The following ZNF609 variants were observed in gnomAD, a reference collection of about 807,000 sequenced individuals.
ZNF609 encodes the protein zinc finger protein 609.
ZNF609 carries 11 observed loss-of-function variants against 109.5 expected under a neutral mutation model. The observed-to-expected ratio is 0.10, with a 90% CI of 0.06 to 0.17. The LOEUF is 0.17. Among genes scored for constraint, ZNF609 ranks in the 10% least tolerant of loss-of-function variants. The pLI is 1.00. For synonymous variants in ZNF609, 646 were observed against 662.0 expected, an observed-to-expected ratio of 0.98 and a Z score of 0.37; for missense variants, 1,559 against 1,772.4, an observed-to-expected ratio of 0.88 and a Z score of 2.16.
rs182028801 is a variant in ZNF609 at position 64,669,821 on chromosome 15, C to T, written c.974-525C>T. Among the ~76,000 whole-genome samples the T allele has an allele frequency of 1.8e-4, 28 of 152,272 alleles. No homozygotes were observed. The East Asian group carries it at 4.2e-3, about 23-fold the overall frequency. ...TAGCTGGGATTACAGGCATGCACCA[C>T]TATGCCCAGCTAATTTTTGTAATTT... is the stretch of plus-strand genomic sequence containing the variant. On this transcript the variant is annotated intron_variant, in intron 3 of 9. Transcript: ENST00000326648.
At chr15:64,594,322 G>A (rs1169041294) in intron 2 of ZNF609, among the ~76,000 whole-genome samples, 2 of 151,720 alleles carry the variant, frequency 1.3e-5, no homozygotes, top group African/African-American at 4.9e-5. Flanking sequence ...CGAAGACTTG[G>A]AGAATGCTCA....
chr15:64,477,638 C>CT (rs939196661), intron 1 of ZNF609, among the ~76,000 whole-genome samples: 4 of 93,662 alleles, frequency 4.3e-5, no homozygotes, highest in African/African-American at 1.2e-4. Context: ...TTTTTTTTTT[C>CT]TTTTTTTTGA....
At chr15:64,627,211 AC>A (rs1354176110) in intron 3 of ZNF609, among the ~76,000 whole-genome samples, 1 of 152,146 alleles carries the variant, frequency 6.6e-6, no homozygotes, top group Non-Finnish European at 1.5e-5. Flanking sequence ...ACAAAAAAAA[AC>A]AAAACAAAAC....
intron 1 of ZNF609, among the ~76,000 whole-genome samples, chr15:64,493,353 T>C (rs1195485339): frequency 6.6e-6 from 1 of 152,182 alleles, no homozygotes; most frequent in Non-Finnish European, 1.5e-5. Flanking sequence ...AGAAGAGTTG[T>C]ATGGTCTGTG....
chr15:64,637,113 A>G (rs1006023801), intron 3 of ZNF609, among the ~76,000 whole-genome samples: 2 of 152,122 alleles, frequency 1.3e-5, no homozygotes, highest in African/African-American at 2.4e-5. Context: ...AATACCATAG[A>G]TTAGTGTTAC....
chr15:64,484,966 C>T (rs575850172), intron 1 of ZNF609, among the ~76,000 whole-genome samples: 4 of 151,876 alleles, frequency 2.6e-5, no homozygotes, highest in South Asian at 2.1e-4. Context: ...AGCGAGACTC[C>T]GTCTCAAAAA....
intron 2 of ZNF609, among the ~76,000 whole-genome samples, chr15:64,586,828 A>G (rs1895206943): frequency 6.6e-6 from 1 of 152,230 alleles, no homozygotes; most frequent in African/African-American, 2.4e-5. Flanking sequence ...TCTCAAATTT[A>G]TTAGACCCAT....
At chr15:64,621,637 T>A (rs1186515875) in intron 2 of ZNF609, among the ~76,000 whole-genome samples, 1 of 152,214 alleles carries the variant, frequency 6.6e-6, no homozygotes, top group African/African-American at 2.4e-5. Flanking sequence ...ACTACAGGCA[T>A]GAGCCATTGC....
intron 1 of ZNF609, among the ~76,000 whole-genome samples, chr15:64,473,610 T>A (rs2140331763): frequency 6.6e-6 from 1 of 151,418 alleles, no homozygotes; most frequent in Admixed American, 6.6e-5. Context: ...TAGTTAGCCT[T>A]TTTCTTTTTT....
At chr15:64,468,765 C>T (rs72741337) in intron 1 of ZNF609, among the ~76,000 whole-genome samples, 9,313 of 152,130 alleles carry the variant, frequency 0.061, 292 homozygotes, top group South Asian at 0.087. Context: ...AATTGAGAGT[C>T]ATAAAACCCA....
At chr15:64,463,455 A>C (rs970966991) in intron 1 of ZNF609, among the ~76,000 whole-genome samples, 1 of 152,198 alleles carries the variant, frequency 6.6e-6, no homozygotes, top group Non-Finnish European at 1.5e-5. Flanking sequence ...TTAGGACATT[A>C]AATACAACTT....
intron 2 of ZNF609, among the ~76,000 whole-genome samples, chr15:64,541,695 C>T (rs1007144005): frequency 1.3e-5 from 2 of 151,366 alleles, no homozygotes; most frequent in African/African-American, 4.8e-5. Context: ...AAACAATTAG[C>T]CGGGCCTCGT....
chr15:64,609,364 G>A (rs1056140632), intron 2 of ZNF609, among the ~76,000 whole-genome samples: 2 of 151,608 alleles, frequency 1.3e-5, no homozygotes, highest in Admixed American at 6.6e-5. Context: ...TTGTTTTTTA[G>A]TAGAGATGGG....
chr15:64,594,548 GCCT>G, intron 2 of ZNF609, among the ~76,000 whole-genome samples: 1 of 151,450 alleles, frequency 6.6e-6, no homozygotes, highest in Non-Finnish European at 1.5e-5. Context: ...ATGTTGCCCA[GCCT>G]GGTCTCTAAC....
chr15:64,596,131 A>T (rs1345379680), intron 2 of ZNF609, among the ~76,000 whole-genome samples: 2 of 152,130 alleles, frequency 1.3e-5, no homozygotes, highest in Non-Finnish European at 2.9e-5. Context: ...TGGACCTCAA[A>T]TATATAAATA....
chr15:64,483,600 G>A (rs1011860153), intron 1 of ZNF609, among the ~76,000 whole-genome samples: 1 of 152,116 alleles, frequency 6.6e-6, no homozygotes, highest in Non-Finnish European at 1.5e-5. Flanking sequence ...TGCCCAGGCT[G>A]GTCTTGAACT....
intron 2 of ZNF609, among the ~76,000 whole-genome samples, chr15:64,522,430 C>T (rs765433732): frequency 1.3e-5 from 2 of 152,150 alleles, no homozygotes; most frequent in Non-Finnish European, 2.9e-5. Context: ...TTTAATTTTC[C>T]CATTAGAGAT....
intron 3 of ZNF609, chr15:64,631,504 C>T (rs1896077492): frequency 1.5e-6 from 1 of 682,090 alleles, no homozygotes; most frequent in Admixed American, 1.9e-5. Flanking sequence ...TTCGCATATA[C>T]ATGGCCAAAG....
At chr15:64,504,893 C>T (rs1893612215) in intron 2 of ZNF609, among the ~76,000 whole-genome samples, 2 of 151,962 alleles carry the variant, frequency 1.3e-5, no homozygotes, top group African/African-American at 4.8e-5. Flanking sequence ...CTTGGTCTCA[C>T]TTATGCACTT....
Sources: allele counts gnomAD v4.1 joint callset (sites outside exome capture counted in the v4.1 genomes callset), GRCh38; gene constraint gnomAD v4.1.1; transcripts MANE v1.5; gene names NCBI Gene and HGNC (gene_info 2026-07-23, HGNC 2026-07-21).